RAB39A: variants seen among roughly 807,000 people sequenced by gnomAD.
RAB39A encodes RAB39A, member RAS oncogene family, also known as ras-related protein Rab-39A.
In RAB39A, 17 loss-of-function variants were observed where a neutral mutation model predicts 20.9. That is an observed-to-expected ratio of 0.81 (90% confidence interval 0.56 to 1.22). The LOEUF (loss-of-function observed/expected upper bound fraction) is 1.22, where lower values mean the gene tolerates loss of function less well. Among genes scored for constraint, RAB39A ranks in the 50% most tolerant of loss-of-function variants. The pLI is 0.00. For synonymous variants in RAB39A, 99 were observed against 103.4 expected (o/e 0.96, Z 0.26); for missense variants, 234 against 270.5 (o/e 0.87, Z 0.95).
In RAB39A at chr11:107,962,339, A is replaced by C. The variant is rs1265658796; in HGVS notation, c.621A>C (p.Glu207Asp). ...FVPNTVHSSE[E>D]AVKPRKECFC is the part of the protein sequence containing the mutation. Reference sequence around the variant, plus strand: ...CAAATACTGTGCATTCTTCTGAGGAAGCAGTAAAGCCCAGGAAAGAATGCT... The same window carrying C: ...CAAATACTGTGCATTCTTCTGAGGACGCAGTAAAGCCCAGGAAAGAATGCT... Residue 207 changes from glutamate to aspartate, a missense_variant, in exon 2 of 2, where the codon GAA becomes GAC. By Grantham distance (45) the Glu-to-Asp change is conservative (BLOSUM62 2). Coordinates refer to ENST00000320578, the MANE Select transcript of RAB39A (RefSeq NM_017516.3). 1 of 1,609,142 alleles carries C rather than the reference A, an allele frequency of 6.2e-7. No homozygotes were observed. Among genetic ancestry groups the C allele is most frequent in the Non-Finnish European group, 8.5e-7 (1 of 1,176,316 alleles).
intron 1 of RAB39A, among the ~76,000 whole-genome samples, chr11:107,949,496 A>C (rs1861353022): frequency 6.6e-6 from 1 of 152,196 alleles, no homozygotes; most frequent in African/African-American, 2.4e-5. Context: ...AACAAGCAGC[A>C]GTCACAGAAA....
At chr11:107,939,344 C>T (rs1465386428) in intron 1 of RAB39A, among the ~76,000 whole-genome samples, 4 of 151,488 alleles carry the variant, frequency 2.6e-5, no homozygotes, top group African/African-American at 4.8e-5. Flanking sequence ...TGGTGGCTCA[C>T]GCCTGTAATC....
At position 107,943,202 on chromosome 11, in the gene RAB39A, A is replaced by C. The variant is rs546412323; in HGVS notation, c.227+14407A>C. 6.6e-5 allele frequency among the ~76,000 whole-genome samples: 10 copies of C among 152,272 alleles called. 1 individual carries two copies. In the South Asian group the frequency reaches 2.1e-3, roughly 32 times the overall value. ...GGCACATACTGAATGTGATGTTCTA[A>C]AGCTTCATAAGTACTATGAAATAGC... On this transcript the variant is annotated intron_variant, in intron 1 of 1. Coordinates refer to ENST00000320578, the MANE Select transcript of RAB39A (RefSeq NM_017516.3).
chr11:107,936,934 C>A (rs10749909), intron 1 of RAB39A, among the ~76,000 whole-genome samples: 146,947 of 148,872 alleles, frequency 0.99, 72,512 homozygotes, highest in South Asian at 1. Flanking sequence ...ACTCCCCCTC[C>A]AAAAAAAAAA....
intron 1 of RAB39A, among the ~76,000 whole-genome samples, chr11:107,950,005 T>C (rs1277199550): frequency 1.3e-5 from 2 of 151,890 alleles, no homozygotes; most frequent in Non-Finnish European, 2.9e-5. Context: ...ACCCTGCCTT[T>C]ACTAAAAATA....
intron 1 of RAB39A, among the ~76,000 whole-genome samples, chr11:107,950,682 G>A (rs1861368531): frequency 6.7e-6 from 1 of 150,180 alleles, no homozygotes; most frequent in African/African-American, 2.4e-5. Flanking sequence ...GGGAGGATTA[G>A]TTGAGCCTGG....
At chr11:107,938,868 T>C (rs1861229291) in intron 1 of RAB39A, among the ~76,000 whole-genome samples, 1 of 152,206 alleles carries the variant, frequency 6.6e-6, no homozygotes, top group Non-Finnish European at 1.5e-5. Context: ...TGTGATTATT[T>C]TTCTTTCTTT....
chr11:107,932,317 A>G (rs920822851), intron 1 of RAB39A, among the ~76,000 whole-genome samples: 2 of 152,224 alleles, frequency 1.3e-5, no homozygotes, highest in African/African-American at 4.8e-5. Context: ...TTAGAATTAC[A>G]GTGCCTTCAT....
At chr11:107,931,015 G>T (rs10789641) in intron 1 of RAB39A, among the ~76,000 whole-genome samples, 149,150 of 149,152 alleles carry the variant, frequency 1, 74,574 homozygotes, top group Middle Eastern at 1. Flanking sequence ...TCGCTCTTGT[G>T]GCCCAGGCTG....
chr11:107,934,793 G>T (rs1041729284), intron 1 of RAB39A, among the ~76,000 whole-genome samples: 2 of 152,072 alleles, frequency 1.3e-5, no homozygotes, highest in African/African-American at 4.8e-5. Context: ...GCCAGGCGTG[G>T]TGGCAGGCGC....
rs546510764 is a variant in RAB39A at position 107,931,228 on chromosome 11, C to T, written c.227+2433C>T. The stretch of plus-strand genomic sequence containing the variant: ...CCGACCTCGGGTGATCCACCTGCCT[C>T]AGCCTCCCAAAGTGCTGAGATTACA... On this transcript the variant is annotated intron_variant, in intron 1 of 1. Coordinates refer to ENST00000320578, the MANE Select transcript of RAB39A (RefSeq NM_017516.3). Among the ~76,000 whole-genome samples the T allele has an allele frequency of 1.0e-3, 158 of 152,342 alleles. 1 individual carries two copies. The highest frequency in any genetic ancestry group is 3.4e-3 in the Middle Eastern group (1 of 294).
At chr11:107,929,151 C>T (rs1444734252) in intron 1 of RAB39A, among the ~76,000 whole-genome samples, 1 of 152,212 alleles carries the variant, frequency 6.6e-6, no homozygotes, top group Non-Finnish European at 1.5e-5. Context: ...AACTCGGCTT[C>T]CCTGGCTGCG....
Position 107,938,134 on chromosome 11 carries a change from G to A in RAB39A, c.227+9339G>A, listed in dbSNP as rs568528716. Among the ~76,000 whole-genome samples the A allele has an allele frequency of 1.4e-4, 21 of 151,802 alleles. No homozygotes were observed. The East Asian group carries it at 1.6e-3, about 11-fold the overall frequency. ...TCCCAGCACTTTGGGAGGCCGAGCC[G>A]GGCGGATCACCTGAGGTCAGGAGTT... On this transcript the variant is annotated intron_variant, in intron 1 of 1. Transcript: ENST00000320578.
At chr11:107,939,625 GA>G (rs1284176955) in intron 1 of RAB39A, among the ~76,000 whole-genome samples, 51 of 129,748 alleles carry the variant, frequency 3.9e-4, no homozygotes, top group Non-Finnish European at 5.0e-4. Flanking sequence ...AAAAAAAAAA[GA>G]AAAAAAAAAA....
chr11:107,938,466 A>G (rs1861222403), intron 1 of RAB39A, among the ~76,000 whole-genome samples: 1 of 150,806 alleles, frequency 6.6e-6, no homozygotes, highest in Non-Finnish European at 1.5e-5. Context: ...ACAGTGGCTC[A>G]TGCCTGTAAT....
chr11:107,936,323 T>C (rs530988949), intron 1 of RAB39A, among the ~76,000 whole-genome samples: 1 of 152,242 alleles, frequency 6.6e-6, no homozygotes, highest in South Asian at 2.1e-4. Flanking sequence ...TACTGATGTT[T>C]ACTTTCATCC....
chr11:107,956,993 A>C (rs1861443728), intron 1 of RAB39A, among the ~76,000 whole-genome samples: 2 of 152,224 alleles, frequency 1.3e-5, no homozygotes, highest in Non-Finnish European at 2.9e-5. Context: ...CCACAGTAAA[A>C]AAGAATAGAC....
intron 1 of RAB39A, among the ~76,000 whole-genome samples, chr11:107,961,636 A>G (rs1293042282): frequency 6.6e-6 from 1 of 152,138 alleles, no homozygotes; most frequent in African/African-American, 2.4e-5. Flanking sequence ...TTTAACCACA[A>G]TGATGTAATA....
chr11:107,955,294 G>GTTTTATT (rs1470270898), intron 1 of RAB39A, among the ~76,000 whole-genome samples: 1 of 151,974 alleles, frequency 6.6e-6, no homozygotes, highest in African/African-American at 2.4e-5. Flanking sequence ...ACTGCACGCG[G>GTTTTATT]CCAAAAGCAT....
Sources: gnomAD v4.1 joint callset for allele counts (sites outside exome capture counted in the v4.1 genomes callset) on GRCh38, gnomAD v4.1.1 for gene constraint, MANE v1.5 for transcripts, NCBI Gene and HGNC (gene_info 2026-07-23, HGNC 2026-07-21) for gene names.